Variants in RASGRP3 observed in about 807,000 individuals in gnomAD.
RASGRP3 encodes the protein ras guanyl-releasing protein 3.
RASGRP3 carries 54 observed loss-of-function variants against 82.7 expected under a neutral mutation model. The ratio of observed to expected loss-of-function variants is 0.65; its 90% CI spans 0.52 to 0.82. The LOEUF (loss-of-function observed/expected upper bound fraction) is 0.82. RASGRP3 is among the 40% of genes least tolerant of loss of function. The pLI is 0.00. For synonymous variants in RASGRP3, 309 were observed against 300.5 expected, an observed-to-expected ratio of 1.03 and a Z score of -0.29; for missense variants, 861 against 828.9, an observed-to-expected ratio of 1.04 and a Z score of -0.48.
chr2:33,511,780 A>G lies in RASGRP3; in HGVS notation c.-190A>G, dbSNP rs1258932631. The G allele has an allele frequency of 6.6e-6, 1 of 152,638 alleles. No individual in the cohort carries two copies. The highest frequency in any genetic ancestry group is 1.5e-5 in the Non-Finnish European group (1 of 68,038). The allele number at this position is 152,638 out of a possible 1,614,324, so 9.5% of individuals were successfully genotyped here. A position where few individuals can be genotyped will look rare whatever the true frequency, so the allele number is the denominator to read the frequency against. On this transcript the variant is annotated 5_prime_UTR_variant, in exon 2 of 18. Transcript: ENST00000403687. The stretch of plus-strand genomic sequence containing the variant: ...AGACTGCTTCTTCCATGCATTTCCC[A>G]ATGATGCTAGCTGCCCTTAAAATTC...
At chr2:33,535,557 C>T (rs538023688) in intron 11 of RASGRP3, among the ~76,000 whole-genome samples, 7 of 152,322 alleles carry the variant, frequency 4.6e-5, no homozygotes, top group East Asian at 3.9e-4. Flanking sequence ...CAGTGAGAGC[C>T]GTCCTCTGGC....
chr2:33,515,685 T>C lies in RASGRP3; in HGVS notation c.70+479T>C, dbSNP rs565272166. Among the ~76,000 whole-genome samples, 30 of 152,378 alleles carry C rather than the reference T, an allele frequency of 2.0e-4. 1 individual carries two copies. Among genetic ancestry groups the C allele is most frequent in the South Asian group, 1.9e-3 (9 of 4,830 alleles). On this transcript the variant is annotated intron_variant, in intron 3 of 17. Coordinates refer to ENST00000403687, the MANE Select transcript of RASGRP3 (RefSeq NM_001139488.2). ...AATGTGAGTAGCACAATTGACTACA[T>C]TCTACATTCATACACGTCATATCTG...
chr2:33,492,633 A>G (rs1047007461), intron 1 of RASGRP3, among the ~76,000 whole-genome samples: 1 of 152,212 alleles, frequency 6.6e-6, no homozygotes, highest in Non-Finnish European at 1.5e-5. Context: ...TTTCTGTGCC[A>G]TGTGAGAACA....
rs969042058 is a variant in RASGRP3, at chr2:33,520,544, G to A, written c.237-9G>A. 4.3e-6 allele frequency: 7 copies of A among 1,612,332 alleles called. No homozygotes were observed. The highest frequency in any genetic ancestry group is 5.9e-6 in the Non-Finnish European group (7 of 1,178,714). ...CTTCCAGCTGCCAAAAATATTTGAT[G>A]CCTTTCAGGTACTGGATTCTGAAGT... On this transcript the variant is annotated splice_polypyrimidine_tract_variant and intron_variant, in intron 5 of 17. Transcript: ENST00000403687.
At chr2:33,555,221 G>A (rs1675811685) in intron 14 of RASGRP3, 1 of 220,058 alleles carries the variant, frequency 4.5e-6, no homozygotes, top group Non-Finnish European at 8.9e-6. Flanking sequence ...AAGACCAAGT[G>A]GCCATCTCCT....
chr2:33,503,048 T>G (rs17013166), intron 1 of RASGRP3, among the ~76,000 whole-genome samples: 15,518 of 152,270 alleles, frequency 0.1, 925 homozygotes, highest in African/African-American at 0.16. Flanking sequence ...TGACAGACTG[T>G]TTCCCATATG....
At chr2:33,511,376 TTCAAAG>T (rs1335310945) in intron 1 of RASGRP3, among the ~76,000 whole-genome samples, 2 of 152,214 alleles carry the variant, frequency 1.3e-5, no homozygotes, top group Non-Finnish European at 2.9e-5. Context: ...TTACTAACAT[TTCAAAG>T]TCAATGTTTG....
Position 33,470,480 on chromosome 2 carries a change from C to T in RASGRP3, c.-261+22537C>T, listed in dbSNP as rs369237870. ...CTGCAAGCTCCGCCTGACGGGTTCACGCCATTTTCCTGCCTCAGCCTCCCG... is the reference window on the plus strand; with the variant it reads ...CTGCAAGCTCCGCCTGACGGGTTCATGCCATTTTCCTGCCTCAGCCTCCCG... On this transcript the variant is annotated intron_variant, in intron 2 of 18. Coordinates refer to the RASGRP3 transcript ENST00000402538. Among the ~76,000 whole-genome samples, 79 of 151,606 alleles carry T rather than the reference C, an allele frequency of 5.2e-4. 1 individual carries two copies. The East Asian group carries it at 0.011, about 21-fold the overall frequency.
intron 1 of RASGRP3, among the ~76,000 whole-genome samples, chr2:33,478,500 G>C (rs576488376): frequency 6.6e-6 from 1 of 152,086 alleles, no homozygotes; most frequent in Non-Finnish European, 1.5e-5. Context: ...CGGAATCATC[G>C]AGCCTCCCAT....
At chr2:33,519,901 G>T (rs1237127480) in intron 4 of RASGRP3, 51 bp from the exon 5 acceptor site, 5 of 1,295,318 alleles carry the variant, frequency 3.9e-6, no homozygotes, top group Non-Finnish European at 5.5e-6. Flanking sequence ...CAGCTGCAGG[G>T]GTGTGCAAAG....
intron 5 of RASGRP3, among the ~76,000 whole-genome samples, chr2:33,520,348 G>T (rs1024627560): frequency 4.6e-5 from 7 of 152,204 alleles, no homozygotes; most frequent in Non-Finnish European, 7.3e-5. Flanking sequence ...GAGGCTATGA[G>T]TGGGAGCGGT....
chr2:33,551,622 A>C (rs987527624), intron 14 of RASGRP3, among the ~76,000 whole-genome samples: 1 of 151,920 alleles, frequency 6.6e-6, no homozygotes, highest in African/African-American at 2.4e-5. Flanking sequence ...GTATAGCTTG[A>C]GCCCAAGAGT....
rs1675865609 is a variant in RASGRP3 at position 33,555,621 on chromosome 2, A to G, written c.1579+54A>G. ...TTAAAATGTGACATTTTGGGTAAGAATCAAATTTGTCTGGTTAAACTACAA... is the reference window on the plus strand; with the variant it reads ...TTAAAATGTGACATTTTGGGTAAGAGTCAAATTTGTCTGGTTAAACTACAA... On this transcript the variant is annotated intron_variant, in intron 15 of 17. Coordinates refer to ENST00000403687, the MANE Select transcript of RASGRP3 (RefSeq NM_001139488.2). The G allele has an allele frequency of 4.2e-6, 6 of 1,438,170 alleles. 1 individual carries two copies. In the South Asian group the frequency reaches 7.4e-5, roughly 18 times the overall value. 89.1% of individuals were successfully genotyped at this position (1,438,170 alleles called of 1,614,324 possible).
chr2:33,479,431 C>T (rs1487493301), intron 1 of RASGRP3, among the ~76,000 whole-genome samples: 2 of 152,158 alleles, frequency 1.3e-5, no homozygotes, highest in African/African-American at 2.4e-5. Flanking sequence ...TGCCCCACCC[C>T]AAATAGCTGG....
chr2:33,479,021 G>T (rs1667633530), intron 1 of RASGRP3, among the ~76,000 whole-genome samples: 1 of 152,178 alleles, frequency 6.6e-6, no homozygotes, highest in Admixed American at 6.5e-5. Flanking sequence ...AACACAGACA[G>T]GAGGGACACC....
At chr2:33,487,087 T>C (rs1668464152) in intron 1 of RASGRP3, among the ~76,000 whole-genome samples, 1 of 152,202 alleles carries the variant, frequency 6.6e-6, no homozygotes, top group Non-Finnish European at 1.5e-5. Flanking sequence ...CCCCTTCCCA[T>C]ATTAGCTTTG....
At chr2:33,455,052 G>T (rs1665968652) in intron 2 of RASGRP3, among the ~76,000 whole-genome samples, 1 of 152,168 alleles carries the variant, frequency 6.6e-6, no homozygotes, top group South Asian at 2.1e-4. Context: ...TGTGGTGATG[G>T]AGGAGAGTGG....
In RASGRP3 at chr2:33,523,850, T is replaced by C. The variant is rs751614406; in HGVS notation, c.517-29T>C. ...TGATTTTACAAAGGCTCTATTATAATTCAGAGTCTCTGAATCTTCCTTTCC... is the reference window on the plus strand; with the variant it reads ...TGATTTTACAAAGGCTCTATTATAACTCAGAGTCTCTGAATCTTCCTTTCC... On this transcript the variant is annotated intron_variant, in intron 7 of 17. Coordinates refer to ENST00000403687, the MANE Select transcript of RASGRP3 (RefSeq NM_001139488.2). 4 of 1,578,724 alleles carry C rather than the reference T, an allele frequency of 2.5e-6. 1 individual carries two copies.
At chr2:33,474,709 T>C (rs1450277829), upstream of RASGRP3, among the ~76,000 whole-genome samples, 1 of 152,188 alleles carries the variant, frequency 6.6e-6, no homozygotes, top group African/African-American at 2.4e-5. Context: ...TCCACCATGA[T>C]TGTAAGTTTC....
Sources: allele counts gnomAD v4.1 joint callset (sites outside exome capture counted in the v4.1 genomes callset), GRCh38; gene constraint gnomAD v4.1.1; transcripts MANE v1.5; gene names NCBI Gene and HGNC (gene_info 2026-07-23, HGNC 2026-07-21).